The following PTPRD variants were observed in gnomAD, a reference collection of about 807,000 sequenced individuals.
The protein encoded by PTPRD is receptor-type tyrosine-protein phosphatase delta.
Under a neutral mutation model 214.5 loss-of-function variants are expected in PTPRD, and 34 were observed. The ratio of observed to expected loss-of-function variants is 0.16; its 90% confidence interval spans 0.12 to 0.21. The LOEUF (loss-of-function observed/expected upper bound fraction) is 0.21, where lower values mean the gene tolerates loss of function less well. Among genes scored for constraint, PTPRD ranks in the 10% least tolerant of loss-of-function variants. PTPRD has a pLI of 1.00. For synonymous variants in PTPRD, 1,128 were observed against 845.7 expected (o/e 1.33, Z -5.79); for missense variants, 2,545 against 2,398.7 (o/e 1.06, Z -1.27).
At chr9:9,450,054 G>C (rs1162456442) in intron 8 of PTPRD, among the ~76,000 whole-genome samples, 2 of 151,710 alleles carry the variant, frequency 1.3e-5, no homozygotes, top group Non-Finnish European at 2.9e-5. Context: ...CGCTGCAAAG[G>C]CCATTATTTT....
chr9:8,836,901 T>C (rs1282990242), intron 11 of PTPRD, among the ~76,000 whole-genome samples: 1 of 152,016 alleles, frequency 6.6e-6, no homozygotes, highest in East Asian at 1.9e-4. Context: ...CCTTTAGAAC[T>C]AGCTCTCTTC....
At chr9:8,818,755 G>C (rs10977308) in intron 11 of PTPRD, among the ~76,000 whole-genome samples, 20,857 of 152,198 alleles carry the variant, frequency 0.14, 1,637 homozygotes, top group East Asian at 0.25. Context: ...AATATTTATT[G>C]CATTTATAAA....
chr9:8,504,385 T>C lies in PTPRD; in HGVS notation c.1698A>G (p.Pro566=), dbSNP rs376646394. ...GTCCTTGCAGCCTATATGATGTCCCTGGCTCAATGGTAATTCGTTGCTGGA... is the reference window on the plus strand; with the variant it reads ...GTCCTTGCAGCCTATATGATGTCCCCGGCTCAATGGTAATTCGTTGCTGGA... The part of the protein sequence containing the change: ...HGEEQRITIE[P]GTSYRLQGLK... The change falls in exon 23 of 46, where the codon CCA becomes CCG. Residue 566 remains proline (P), a synonymous_variant. Transcript: ENST00000381196. 3.8e-5 allele frequency: 61 copies of C among 1,614,038 alleles called. No homozygotes were observed. The highest frequency in any genetic ancestry group is 4.6e-5 in the Non-Finnish European group (54 of 1,180,016).
chr9:10,061,590 C>A (rs557842298), intron 3 of PTPRD, among the ~76,000 whole-genome samples: 1 of 152,110 alleles, frequency 6.6e-6, no homozygotes, highest in South Asian at 2.1e-4. Flanking sequence ...TTCTATGATA[C>A]CTTCCTATTC....
intron 2 of PTPRD, among the ~76,000 whole-genome samples, chr9:10,497,018 G>C (rs1254102381): frequency 6.6e-6 from 1 of 151,946 alleles, no homozygotes; most frequent in Admixed American, 6.6e-5. Flanking sequence ...GCAGATGGTG[G>C]CCATAATCCT....
chr9:9,204,160 T>C (rs2099943449), intron 9 of PTPRD, among the ~76,000 whole-genome samples: 1 of 152,170 alleles, frequency 6.6e-6, no homozygotes, highest in African/African-American at 2.4e-5. Context: ...GGACTTCTGA[T>C]TTCTAATCCA....
At chr9:8,558,863 G>A (rs1239352709) in intron 14 of PTPRD, among the ~76,000 whole-genome samples, 2 of 152,006 alleles carry the variant, frequency 1.3e-5, no homozygotes, top group Admixed American at 6.6e-5. Flanking sequence ...ATGGTGCTTG[G>A]CATTCTAAAA....
At chr9:9,614,395 A>T (rs959287102) in intron 7 of PTPRD, among the ~76,000 whole-genome samples, 4 of 152,092 alleles carry the variant, frequency 2.6e-5, no homozygotes, top group Non-Finnish European at 5.9e-5. Context: ...TCTGAGAAAC[A>T]TTTTTTTAAA....
At chr9:10,070,216 C>A (rs2097975659) in intron 3 of PTPRD, among the ~76,000 whole-genome samples, 1 of 152,020 alleles carries the variant, frequency 6.6e-6, no homozygotes. Flanking sequence ...GTTTTGTCCA[C>A]TTTTTTGTCC....
intron 11 of PTPRD, among the ~76,000 whole-genome samples, chr9:8,977,224 T>C (rs996781949): frequency 1.3e-5 from 2 of 152,074 alleles, no homozygotes; most frequent in African/African-American, 4.8e-5. Context: ...TAATTTACCG[T>C]CTTCAAATTT....
intron 4 of PTPRD, among the ~76,000 whole-genome samples, chr9:9,989,344 C>T (rs538582372): frequency 1.3e-5 from 2 of 152,232 alleles, no homozygotes; most frequent in South Asian, 2.1e-4. Context: ...TCTGCCCCCA[C>T]ATTCTGTACC....
chr9:9,318,224 CAA>C (rs74895016), intron 9 of PTPRD, among the ~76,000 whole-genome samples: 1 of 127,050 alleles, frequency 7.9e-6, no homozygotes, highest in Non-Finnish European at 1.7e-5. Flanking sequence ...AACAAAAAAC[CAA>C]AAAAAAAAAA....
intron 10 of PTPRD, among the ~76,000 whole-genome samples, chr9:9,179,755 C>T (rs960559545): frequency 5.3e-5 from 8 of 151,956 alleles, no homozygotes; most frequent in Admixed American, 3.9e-4. Flanking sequence ...CAATCAGGAA[C>T]CACCTTGAAA....
intron 11 of PTPRD, among the ~76,000 whole-genome samples, chr9:8,773,619 G>C (rs935282725): frequency 6.6e-6 from 1 of 152,100 alleles, no homozygotes; most frequent in African/African-American, 2.4e-5. Flanking sequence ...ACAAAAATCT[G>C]ATAATGTAAA....
intron 7 of PTPRD, among the ~76,000 whole-genome samples, chr9:9,620,477 A>G (rs2095177520): frequency 6.6e-6 from 1 of 152,162 alleles, no homozygotes; most frequent in South Asian, 2.1e-4. Flanking sequence ...ATTCCTTCCA[A>G]TATTAAACCA....
chr9:9,602,698 TTGTTTCTCTAG>T (rs1237634875), intron 7 of PTPRD, among the ~76,000 whole-genome samples: 6 of 152,066 alleles, frequency 3.9e-5, no homozygotes, highest in Non-Finnish European at 1.5e-5. Context: ...ATTTCACATG[TTGTTTCTCTAG>T]TGTTACTCTA....
At chr9:8,633,282 A>C (rs1175388163) in intron 14 of PTPRD, 35 bp downstream of exon 14, 1 of 1,600,666 alleles carries the variant, frequency 6.2e-7, no homozygotes, top group East Asian at 2.2e-5. Flanking sequence ...AATTGTAACA[A>C]TGACACAAAC....
intron 3 of PTPRD, among the ~76,000 whole-genome samples, chr9:10,259,294 G>C (rs935281876): frequency 2.0e-5 from 3 of 152,190 alleles, no homozygotes; most frequent in African/African-American, 7.2e-5. Flanking sequence ...AAAGTGCTGG[G>C]ATTACAGGCG....
chr9:9,615,040 G>C (rs1485627229), intron 7 of PTPRD, among the ~76,000 whole-genome samples: 1 of 152,184 alleles, frequency 6.6e-6, no homozygotes, highest in African/African-American at 2.4e-5. Context: ...GCCCAGGCCA[G>C]AAGGGTCAGC....
Sources: gnomAD v4.1 joint callset for allele counts (sites outside exome capture counted in the v4.1 genomes callset) on GRCh38, gnomAD v4.1.1 for gene constraint, MANE v1.5 for transcripts, NCBI Gene and HGNC (gene_info 2026-07-23, HGNC 2026-07-21) for gene names.